The following RFX2 variants were observed in gnomAD, a reference collection of about 807,000 sequenced individuals.
RFX2 encodes regulatory factor X2.
RFX2 carries 20 observed loss-of-function variants against 87.8 expected under a neutral mutation model. The ratio of observed to expected loss-of-function variants is 0.23; its 90% CI spans 0.16 to 0.33. RFX2 has a LOEUF of 0.33. RFX2 is among the 10% of genes least tolerant of loss of function. The pLI is 1.00. For missense variants in RFX2, 767 were observed against 1,012.3 expected (o/e 0.76, Z 3.29); for synonymous variants, 397 against 431.3 (o/e 0.92, Z 0.98).
intron 1 of RFX2, chr19:6,077,043 T>A (rs2087702075): frequency 6.6e-6 from 1 of 152,218 alleles, no homozygotes; most frequent in East Asian, 1.9e-4. Context: ...CCATGAGACC[T>A]CGGTACACAC....
chr19:6,069,043 A>G (rs2087556641), intron 1 of RFX2, among the ~76,000 whole-genome samples: 1 of 152,140 alleles, frequency 6.6e-6, no homozygotes. Flanking sequence ...TTTGGCAACT[A>G]AAAGGATGAG....
chr19:5,997,206 C>A lies in RFX2; in HGVS notation c.1867G>T (p.Val623Leu). 2 of 1,610,868 alleles carry A rather than the reference C, an allele frequency of 1.2e-6. No individual in the cohort carries two copies. The highest frequency in any genetic ancestry group is 1.7e-6 in the Non-Finnish European group (2 of 1,179,692). ...CTGCGCAGGGTCAGGTCCCGGATCA[C>A]CATGGAGCTGGGGACAAGCGGACAG... ...LLKWSFYSSMVIRDLTLRSAA... is the reference protein window; with the variant it reads ...LLKWSFYSSMLIRDLTLRSAA... The change falls in exon 16 of 18, where the codon GTG becomes TTG. Residue 623 changes from valine to leucine, a missense_variant. Transcript: ENST00000303657. This position sits in a 1 kb window ranked among gnomAD's most constrained non-coding sequence, Gnocchi z 4.2.
intron 1 of RFX2, among the ~76,000 whole-genome samples, chr19:6,060,037 C>T (rs1348184195): frequency 6.6e-6 from 1 of 152,136 alleles, no homozygotes; most frequent in Non-Finnish European, 1.5e-5. Context: ...TTTCTCTGTA[C>T]TTTTCTCCTT....
intron 5 of RFX2, among the ~76,000 whole-genome samples, chr19:6,038,219 C>T (rs959011561): frequency 6.9e-6 from 1 of 145,556 alleles, no homozygotes; most frequent in East Asian, 2.2e-4. Context: ...TCCAGCTACT[C>T]GGGAGGCTGA....
intron 5 of RFX2, among the ~76,000 whole-genome samples, chr19:6,031,271 C>G (rs1314002706): frequency 6.6e-6 from 1 of 152,000 alleles, no homozygotes; most frequent in African/African-American, 2.4e-5. Context: ...TGGAGGTGGT[C>G]ATTGTACTCT....
chr19:6,108,878 G>T (rs1285100263), intron 1 of RFX2, among the ~76,000 whole-genome samples: 16 of 152,138 alleles, frequency 1.1e-4, no homozygotes, highest in Non-Finnish European at 1.5e-5. Context: ...TAGCCACTAG[G>T]ATCGGGAAAT....
intron 1 of RFX2, among the ~76,000 whole-genome samples, chr19:6,049,888 C>CTG (rs2087246874): frequency 6.6e-6 from 1 of 152,230 alleles, no homozygotes. Flanking sequence ...ACCAATGAGT[C>CTG]TGTGGCTTTT....
intron 7 of RFX2, among the ~76,000 whole-genome samples, chr19:6,015,565 C>T (rs887916781): frequency 1.1e-4 from 17 of 151,880 alleles, no homozygotes; most frequent in Non-Finnish European, 2.4e-4. Context: ...CGTGGCTCAC[C>T]GCAGCCTCAA....
rs2086671945 is a variant in RFX2, at chr19:6,012,469, ACT to A, written c.899+515_899+516del. Reference sequence around the variant, plus strand: ...GGAGGATGTGTAGGACTGTGAAAGGACTCTGCGTGACACTGTGATGGGGGACA... The same window carrying A: ...GGAGGATGTGTAGGACTGTGAAAGGACTGCGTGACACTGTGATGGGGGACA... On this transcript the variant is annotated intron_variant, in intron 8 of 17. Coordinates refer to ENST00000303657, the MANE Select transcript of RFX2 (RefSeq NM_000635.4). The surrounding 1 kb of genome is among the most constrained non-coding windows in gnomAD (Gnocchi z 4.6). 6.6e-6 allele frequency among the ~76,000 whole-genome samples: 1 copy of A among 151,910 alleles called. No individual in the cohort carries two copies. The highest frequency in any genetic ancestry group is 1.5e-5 in the Non-Finnish European group (1 of 67,970).
Position 5,995,637 on chromosome 19 carries a change from C to T in RFX2, c.2020G>A (p.Asp674Asn), listed in dbSNP as rs373007421. Reference protein sequence around the residue: ...TPIAVMGEFNDLASLSLTLLD... With the variant: ...TPIAVMGEFNNLASLSLTLLD... The stretch of plus-strand genomic sequence containing the variant: ...AGCGTCAGCGACAGAGAGGCGAGAT[C>T]GTTGAACTGAAAGAGAAACCTGGAG... Residue 674 changes from aspartate to asparagine, a missense_variant, in exon 17 of 18, where the codon GAT (aspartate) becomes AAT (asparagine). By Grantham distance (23) the Asp-to-Asn change is conservative (BLOSUM62 1). Transcript: ENST00000303657. 2.6e-6 allele frequency: 4 copies of T among 1,552,358 alleles called. No homozygotes were observed. Among genetic ancestry groups the T allele is most frequent in the East Asian group, 2.4e-5 (1 of 40,960 alleles).
intron 17 of RFX2, 91 bp from the exon 18 acceptor site, chr19:5,995,041 G>A (rs574361262): frequency 7.4e-5 from 73 of 984,160 alleles, no homozygotes; most frequent in South Asian, 2.2e-4. Flanking sequence ...GCTCCGGCAC[G>A]CCAGGCAGGG....
At chr19:6,057,576 T>A (rs970774392) in intron 1 of RFX2, among the ~76,000 whole-genome samples, 1 of 152,156 alleles carries the variant, frequency 6.6e-6, no homozygotes, top group African/African-American at 2.4e-5. Flanking sequence ...AGCTGAGTGG[T>A]TTTAGTTACC....
In RFX2 at chr19:6,022,049, G is replaced by C. The variant is rs1186171837; in HGVS notation, c.597+4114C>G. Among the ~76,000 whole-genome samples, 3 of 152,144 alleles carry C rather than the reference G, an allele frequency of 2.0e-5. No homozygotes were observed. Among genetic ancestry groups the C allele is most frequent in the Non-Finnish European group, 4.4e-5 (3 of 68,012 alleles). On this transcript the variant is annotated intron_variant, in intron 6 of 17. Coordinates refer to ENST00000303657, the MANE Select transcript of RFX2 (RefSeq NM_000635.4). The surrounding 1 kb of genome is among the most constrained non-coding windows in gnomAD (Gnocchi z 6.2). Reference sequence around the variant, plus strand: ...GGGCATGAGAGGAGCAAGGAGGCGAGGACGCAGTGGGGTTGGGGGCCGAGC... The same window carrying C: ...GGGCATGAGAGGAGCAAGGAGGCGACGACGCAGTGGGGTTGGGGGCCGAGC...
intron 1 of RFX2, among the ~76,000 whole-genome samples, chr19:6,079,141 G>A (rs957384601): frequency 5.3e-5 from 8 of 152,224 alleles, no homozygotes; most frequent in Admixed American, 2.0e-4. Context: ...GCAGGTTCCT[G>A]TAAATTACCA....
chr19:6,104,474 C>T (rs2088178327), intron 1 of RFX2, among the ~76,000 whole-genome samples: 1 of 150,932 alleles, frequency 6.6e-6, no homozygotes, highest in Non-Finnish European at 1.5e-5. Flanking sequence ...GAGGCTGAGG[C>T]AGGAGAATGG....
Position 6,016,183 on chromosome 19 carries a change from T to C in RFX2, c.686A>G (p.Gln229Arg). 6.2e-7 allele frequency: 1 copy of C among 1,614,154 alleles called. No homozygotes were observed. The highest frequency in any genetic ancestry group is 8.5e-7 in the Non-Finnish European group (1 of 1,179,970). The change falls in exon 7 of 18, where the codon CAG becomes CGG. Residue 229 changes from glutamine (Q) to arginine (R), a missense_variant. Physicochemically the swap from Gln to Arg is conservative, Grantham distance 43 (BLOSUM62 1). This residue lies in a region of RFX2 where 621 missense variants were observed against 873.0 expected (regional missense o/e 0.71). Coordinates refer to ENST00000303657, the MANE Select transcript of RFX2 (RefSeq NM_000635.4). This position sits in a 1 kb window ranked among gnomAD's most constrained non-coding sequence, Gnocchi z 5.4. Reference sequence around the variant, plus strand: ...GTTCACTGGGTCTAGCTTGTGCTCCTGGCAGTGCCGAAGGTAGTGGTTGTA... The same window carrying C: ...GTTCACTGGGTCTAGCTTGTGCTCCCGGCAGTGCCGAAGGTAGTGGTTGTA... ...SLYNHYLRHCQEHKLDPVNAA... is the reference protein window; with the variant it reads ...SLYNHYLRHCREHKLDPVNAA...
In RFX2 at chr19:6,050,906, T is replaced by G. The variant is rs1475481878; in HGVS notation, c.-8-3402A>C. On this transcript the variant is annotated intron_variant, in intron 1 of 17. Transcript: ENST00000303657. The surrounding 1 kb of genome is among the most constrained non-coding windows in gnomAD (Gnocchi z 4.6). ...TTAAAAGAAGCAGTCAGAGAAAAACTACATATTATATTCGGAGAACAAGGG... is the reference window on the plus strand; with the variant it reads ...TTAAAAGAAGCAGTCAGAGAAAAACGACATATTATATTCGGAGAACAAGGG... Among the ~76,000 whole-genome samples the G allele has an allele frequency of 1.3e-5, 2 of 152,146 alleles. No homozygotes were observed. Among genetic ancestry groups the G allele is most frequent in the Non-Finnish European group, 2.9e-5 (2 of 68,026 alleles).
At chr19:6,103,268 T>C (rs549258147) in intron 1 of RFX2, among the ~76,000 whole-genome samples, 1 of 152,292 alleles carries the variant, frequency 6.6e-6, no homozygotes, top group African/African-American at 2.4e-5. Context: ...CAGTGGCAAG[T>C]CAACTGTACT....
chr19:6,037,371 G>T (rs1044491195), intron 5 of RFX2, among the ~76,000 whole-genome samples: 5 of 150,516 alleles, frequency 3.3e-5, no homozygotes, highest in African/African-American at 1.2e-4. Context: ...TTAAATCCTA[G>T]AAATGAACAG....
Sources: allele counts gnomAD v4.1 joint callset (sites outside exome capture counted in the v4.1 genomes callset), GRCh38; gene constraint gnomAD v4.1.1; regional missense constraint gnomAD v4.1.1; non-coding constraint Gnocchi (gnomAD v3.1); transcripts MANE v1.5; gene names NCBI Gene and HGNC (gene_info 2026-07-23, HGNC 2026-07-21).